BMP2K: variants seen among roughly 807,000 people sequenced by gnomAD.
The protein encoded by BMP2K is BMP2 inducible kinase.
In BMP2K, 74 loss-of-function variants were observed where a neutral mutation model predicts 116.0. That is an observed-to-expected ratio of 0.64 (90% CI 0.53 to 0.77). The LOEUF is 0.77. BMP2K is among the 30% of genes least tolerant of loss of function. The pLI, the probability that BMP2K is intolerant of heterozygous loss-of-function variation, is 0.00. For missense variants in BMP2K, 1,365 were observed against 1,403.6 expected, an observed-to-expected ratio of 0.97 and a Z score of 0.44; for synonymous variants, 486 against 502.5, an observed-to-expected ratio of 0.97 and a Z score of 0.44.
At chr4:78,840,272 T>C (rs1338088410) in intron 3 of BMP2K, among the ~76,000 whole-genome samples, 1 of 152,068 alleles carries the variant, frequency 6.6e-6, no homozygotes, top group Non-Finnish European at 1.5e-5. Flanking sequence ...GGCATCTCAT[T>C]TTATTTTATT....
At chr4:78,880,528 A>C (rs1345430979) in intron 14 of BMP2K, among the ~76,000 whole-genome samples, 1 of 152,236 alleles carries the variant, frequency 6.6e-6, no homozygotes, top group African/African-American at 2.4e-5. Flanking sequence ...TATTTTTAAA[A>C]AATGAATTTA....
intron 13 of BMP2K, among the ~76,000 whole-genome samples, chr4:78,875,451 A>C (rs1429354168): frequency 6.6e-6 from 1 of 152,226 alleles, no homozygotes; most frequent in Admixed American, 6.5e-5. Context: ...AATATCAGAG[A>C]GTATTACTGT....
chr4:78,859,762 ACT>A, intron 8 of BMP2K, 75 bp downstream of exon 8: 1 of 1,070,166 alleles, frequency 9.3e-7, no homozygotes, highest in South Asian at 1.5e-5. Context: ...TTTCAGAGTT[ACT>A]TTTTTTTTGT....
intron 1 of BMP2K, among the ~76,000 whole-genome samples, chr4:78,785,786 A>G (rs1036244190): frequency 6.6e-6 from 1 of 152,162 alleles, no homozygotes; most frequent in African/African-American, 2.4e-5. Context: ...TTGGGTCCTT[A>G]ATACATCTCG....
rs373338118 is a variant in BMP2K, at chr4:78,892,955, G to A, written c.2062+5671G>A. Among the ~76,000 whole-genome samples the A allele has an allele frequency of 2.0e-5, 3 of 152,112 alleles. No homozygotes were observed. The East Asian group carries it at 5.8e-4, about 29-fold the overall frequency. ...GGTGTTGGTTGCTGAAAGAAGGGGT[G>A]GCTATGGTAATTTCTTAAAATAAGA... On this transcript the variant is annotated intron_variant, in intron 15 of 15. Coordinates refer to ENST00000502613, the MANE Select transcript of BMP2K (RefSeq NM_198892.2).
At chr4:78,802,002 G>A (rs1728590278) in intron 1 of BMP2K, among the ~76,000 whole-genome samples, 1 of 152,178 alleles carries the variant, frequency 6.6e-6, no homozygotes, top group South Asian at 2.1e-4. Flanking sequence ...ATTACTTTCA[G>A]TCTGACACTC....
At position 78,842,477 on chromosome 4, in the gene BMP2K, G is replaced by A; in HGVS notation, c.496G>A (p.Val166Ile). 6.2e-7 allele frequency: 1 copy of A among 1,608,056 alleles called. No homozygotes were observed. The highest frequency in any genetic ancestry group is 8.5e-7 in the Non-Finnish European group (1 of 1,175,704). The change falls in exon 4 of 16, where the codon GTT (valine) becomes ATT (isoleucine). Residue 166 changes from valine to isoleucine, a missense_variant. This residue lies in a region of BMP2K where 762 missense variants were observed against 756.7 expected (regional missense o/e 1.01). Coordinates refer to ENST00000502613, the MANE Select transcript of BMP2K (RefSeq NM_198892.2). ...GATATTCTGTGATACCTGTGAAGCT[G>A]TTGCAAGGTTGCATCAGTGTAAGAC... ...LQIFCDTCEA[V>I]ARLHQCKTPI...
chr4:78,828,880 G>C (rs866019168), intron 2 of BMP2K, among the ~76,000 whole-genome samples: 2 of 152,222 alleles, frequency 1.3e-5, no homozygotes, highest in Non-Finnish European at 2.9e-5. Context: ...GACTGATCAG[G>C]GTAGTGGTTG....
intron 6 of BMP2K, 31 bp from the exon 7 acceptor site, chr4:78,850,893 C>T (rs1242780766): frequency 6.2e-7 from 1 of 1,605,040 alleles, no homozygotes; most frequent in Admixed American, 1.7e-5. Context: ...AACTTGAGCT[C>T]TAATGATATT....
At chr4:78,870,556 G>A (rs1048106169) in intron 10 of BMP2K, among the ~76,000 whole-genome samples, 9 of 152,152 alleles carry the variant, frequency 5.9e-5, no homozygotes, top group South Asian at 2.1e-4. Context: ...AACATGAAGT[G>A]TTTCTAAGAT....
chr4:78,886,755 A>G (rs960644864), intron 14 of BMP2K, among the ~76,000 whole-genome samples: 5 of 152,168 alleles, frequency 3.3e-5, no homozygotes, highest in African/African-American at 1.2e-4. Context: ...TTTTATTACT[A>G]TTGAGAAGTA....
chr4:78,853,780 G>A (rs1404693872), intron 7 of BMP2K, among the ~76,000 whole-genome samples: 3 of 152,032 alleles, frequency 2.0e-5, no homozygotes, highest in Non-Finnish European at 4.4e-5. Context: ...CACCTCTTAC[G>A]GTTATTGTGA....
chr4:78,860,174 C>G (rs1270583839), intron 8 of BMP2K: 1 of 436,758 alleles, frequency 2.3e-6, no homozygotes, highest in South Asian at 1.7e-5. Flanking sequence ...GAGTAATAGA[C>G]ATTGGAAGTC....
intron 13 of BMP2K, among the ~76,000 whole-genome samples, chr4:78,873,962 G>A (rs1469361757): frequency 6.6e-6 from 1 of 152,008 alleles, no homozygotes; most frequent in Admixed American, 6.6e-5. Flanking sequence ...GGCGGATCAC[G>A]AGGTCAGGAG....
chr4:78,835,806 T>C (rs1403364813), intron 3 of BMP2K, among the ~76,000 whole-genome samples: 1 of 152,072 alleles, frequency 6.6e-6, no homozygotes, highest in East Asian at 1.9e-4. Flanking sequence ...AGTGATTTCT[T>C]AAGGGTACAA....
intron 8 of BMP2K, 25 bp downstream of exon 8, chr4:78,859,712 T>C (rs1169773257): frequency 6.9e-7 from 1 of 1,451,878 alleles, no homozygotes; most frequent in Admixed American, 1.8e-5. Flanking sequence ...AAGTAGGATA[T>C]GAATTTAAAA....
intron 2 of BMP2K, among the ~76,000 whole-genome samples, chr4:78,829,572 A>C (rs947895035): frequency 4.6e-5 from 7 of 152,054 alleles, no homozygotes; most frequent in African/African-American, 1.7e-4. Flanking sequence ...TGGCATCTAG[A>C]ATGGTGAATC....
At chr4:78,823,757 C>T (rs1729747313) in intron 1 of BMP2K, among the ~76,000 whole-genome samples, 1 of 151,808 alleles carries the variant, frequency 6.6e-6, no homozygotes, top group Non-Finnish European at 1.5e-5. Flanking sequence ...CCACCTCAGG[C>T]AATTCTGATG....
At chr4:78,822,982 T>C (rs1729693956) in intron 1 of BMP2K, among the ~76,000 whole-genome samples, 1 of 152,154 alleles carries the variant, frequency 6.6e-6, no homozygotes, top group Non-Finnish European at 1.5e-5. Context: ...ACAGAAATAA[T>C]ATTAGCTTAT....
Sources: allele counts gnomAD v4.1 joint callset (sites outside exome capture counted in the v4.1 genomes callset), GRCh38; gene constraint gnomAD v4.1.1; regional missense constraint gnomAD v4.1.1; transcripts MANE v1.5; gene names NCBI Gene and HGNC (gene_info 2026-07-23, HGNC 2026-07-21).